Variants in HS3ST4 observed in about 807,000 individuals in gnomAD.
HS3ST4 encodes heparan sulfate-glucosamine 3-sulfotransferase 4.
A neutral mutation model predicts 29.2 loss-of-function variants in HS3ST4; 17 were observed. The ratio of observed to expected loss-of-function variants is 0.58; its 90% CI spans 0.40 to 0.87. HS3ST4 has a LOEUF of 0.87. HS3ST4 is among the 40% of genes least tolerant of loss of function. The probability of loss-of-function intolerance (pLI) is 0.00; values close to 1 mark genes in which losing one functional copy is unlikely to be tolerated. For missense variants in HS3ST4, 627 were observed against 634.5 expected (o/e 0.99, Z 0.13); for synonymous variants, 314 against 285.7 (o/e 1.10, Z -1.00).
chr16:25,890,051 C>T (rs1967992701), intron 1 of HS3ST4, among the ~76,000 whole-genome samples: 1 of 152,108 alleles, frequency 6.6e-6, no homozygotes, highest in African/African-American at 2.4e-5. Context: ...GGTGTGTCTT[C>T]GTTAGCAGCA....
intron 1 of HS3ST4, among the ~76,000 whole-genome samples, chr16:25,808,385 CTG>C (rs1967009215): frequency 6.6e-6 from 1 of 152,110 alleles, no homozygotes. Flanking sequence ...ATTTAAAAGG[CTG>C]TGTTTCTTTT....
intron 1 of HS3ST4, among the ~76,000 whole-genome samples, chr16:25,812,676 C>G (rs1318549013): frequency 8.0e-5 from 12 of 150,896 alleles, no homozygotes; most frequent in Admixed American, 7.9e-4. Flanking sequence ...ATCCTCATTT[C>G]TATTCTGAGA....
chr16:25,978,168 G>A (rs1005742668), intron 1 of HS3ST4, among the ~76,000 whole-genome samples: 2 of 152,196 alleles, frequency 1.3e-5, no homozygotes, highest in African/African-American at 4.8e-5. Context: ...TTCAGCCAAA[G>A]ATGTTTTTGC....
intron 1 of HS3ST4, among the ~76,000 whole-genome samples, chr16:25,765,715 C>T (rs999444066): frequency 1.3e-5 from 2 of 152,178 alleles, no homozygotes; most frequent in African/African-American, 4.8e-5. Context: ...GTCGCATCAC[C>T]TGCTAATGGG....
At chr16:26,074,432 T>C (rs1898636616) in intron 1 of HS3ST4, among the ~76,000 whole-genome samples, 1 of 152,318 alleles carries the variant, frequency 6.6e-6, no homozygotes, top group Non-Finnish European at 1.5e-5. Context: ...TGCTTTTGAC[T>C]TCTTGATAAA....
chr16:25,793,592 C>A (rs1174322917), intron 1 of HS3ST4, among the ~76,000 whole-genome samples: 1 of 151,838 alleles, frequency 6.6e-6, no homozygotes, highest in Non-Finnish European at 1.5e-5. Flanking sequence ...ATTAGTATAC[C>A]TGTATCAACT....
chr16:25,872,890 TGTTTTGTTTTGTTTTGTTTC>T (rs1308247091), intron 1 of HS3ST4, among the ~76,000 whole-genome samples: 2 of 64,580 alleles, frequency 3.1e-5, no homozygotes, highest in Non-Finnish European at 6.7e-5. Flanking sequence ...AGTTTTGTTT[TGTTTTGTTTTGTTTTGTTTC>T]GTTTTGCCAG....
chr16:25,798,006 G>T (rs1240867775), intron 1 of HS3ST4, among the ~76,000 whole-genome samples: 1 of 152,166 alleles, frequency 6.6e-6, no homozygotes, highest in African/African-American at 2.4e-5. Flanking sequence ...GGAGATTTTT[G>T]ATGTAAGTAT....
At chr16:26,109,440 C>T (rs919047418) in intron 1 of HS3ST4, among the ~76,000 whole-genome samples, 3 of 152,094 alleles carry the variant, frequency 2.0e-5, no homozygotes, top group Non-Finnish European at 2.9e-5. Flanking sequence ...GGTAGTAATT[C>T]GTCTGAGGGT....
Position 26,076,512 on chromosome 16 carries a change from G to A in HS3ST4, c.735-59100G>A, listed in dbSNP as rs147009749. On this transcript the variant is annotated intron_variant, in intron 1 of 1. Coordinates refer to ENST00000331351, the MANE Select transcript of HS3ST4 (RefSeq NM_006040.3). ...CCCCAGCCAATGAGCATAAGGTGGG[G>A]GATAAGGGTTGGGAGCTAAGGAAGC... 3.9e-5 allele frequency among the ~76,000 whole-genome samples: 6 copies of A among 152,310 alleles called. No individual in the cohort carries two copies. The East Asian group carries it at 1.2e-3, about 29-fold the overall frequency.
intron 1 of HS3ST4, among the ~76,000 whole-genome samples, chr16:25,938,710 C>G (rs192840492): frequency 6.6e-6 from 1 of 152,336 alleles, no homozygotes; most frequent in Non-Finnish European, 1.5e-5. Context: ...AACTCTCCTG[C>G]CTCCATTTTC....
At chr16:26,024,149 G>A (rs527676906) in intron 1 of HS3ST4, among the ~76,000 whole-genome samples, 5 of 150,660 alleles carry the variant, frequency 3.3e-5, no homozygotes, top group South Asian at 4.2e-4. Flanking sequence ...GCTTGAACCC[G>A]GAGGTGGAGG....
chr16:26,102,854 C>G (rs901462021), intron 1 of HS3ST4, among the ~76,000 whole-genome samples: 1 of 152,098 alleles, frequency 6.6e-6, no homozygotes, highest in Non-Finnish European at 1.5e-5. Flanking sequence ...GGTTTTTGGA[C>G]AAGGGGAGGA....
chr16:25,725,497 T>C (rs1596553807), intron 1 of HS3ST4, among the ~76,000 whole-genome samples: 1 of 152,130 alleles, frequency 6.6e-6, no homozygotes, highest in East Asian at 1.9e-4. Flanking sequence ...TTCTAACTGC[T>C]CCCCCTTTAA....
chr16:25,938,372 GAGTTAC>G (rs1022893269), intron 1 of HS3ST4, among the ~76,000 whole-genome samples: 1 of 152,074 alleles, frequency 6.6e-6, no homozygotes, highest in African/African-American at 2.4e-5. Context: ...GGGGACTTTC[GAGTTAC>G]ATATATTTCA....
At chr16:25,913,133 C>T (rs1968256847) in intron 1 of HS3ST4, among the ~76,000 whole-genome samples, 2 of 152,224 alleles carry the variant, frequency 1.3e-5, no homozygotes, top group African/African-American at 2.4e-5. Flanking sequence ...AAGGCAGATT[C>T]TGATGGGGTT....
intron 1 of HS3ST4, among the ~76,000 whole-genome samples, chr16:26,044,634 AT>A (rs1898243943): frequency 6.6e-6 from 1 of 152,170 alleles, no homozygotes; most frequent in South Asian, 2.1e-4. Flanking sequence ...TTAAAAAAAA[AT>A]AGGAGGGATC....
rs143632981 is a variant in HS3ST4, at chr16:26,058,645, A to T, written c.735-76967A>T. The stretch of plus-strand genomic sequence containing the variant: ...TACTGAATTTCCGCTGCACCCTCTC[A>T]CTCTCCAGGGCAGAGGCAAATCTAC... On this transcript the variant is annotated intron_variant, in intron 1 of 1. Transcript: ENST00000331351. Among the ~76,000 whole-genome samples the T allele has an allele frequency of 1.5e-3, 225 of 151,958 alleles. 1 individual carries two copies. Among genetic ancestry groups the T allele is most frequent in the Middle Eastern group, 3.4e-3 (1 of 294 alleles).
chr16:26,054,300 A>AGAGAGAGAGAGAGAGAGAG (rs1898381003), intron 1 of HS3ST4, among the ~76,000 whole-genome samples: 1 of 116,132 alleles, frequency 8.6e-6, no homozygotes, highest in South Asian at 2.6e-4. Context: ...GAGAGAGAGA[A>AGAGAGAGAGAGAGAGAGAG]GGAGGAGGAG....
Sources: allele counts gnomAD v4.1 joint callset (sites outside exome capture counted in the v4.1 genomes callset), GRCh38; gene constraint gnomAD v4.1.1; transcripts MANE v1.5; gene names NCBI Gene and HGNC (gene_info 2026-07-23, HGNC 2026-07-21).